COL10A1: variants seen among roughly 807,000 people sequenced by gnomAD.
The protein encoded by COL10A1 is collagen alpha-1(X) chain.
Under a neutral mutation model 18.2 loss-of-function variants are expected in COL10A1, and 10 were observed. The observed-to-expected ratio is 0.55, with a 90% CI of 0.34 to 0.93. The LOEUF (loss-of-function observed/expected upper bound fraction) is 0.93, where lower values mean the gene tolerates loss of function less well. Among genes scored for constraint, COL10A1 ranks in the 40% least tolerant of loss-of-function variants. COL10A1 has a pLI of 0.02. For missense variants in COL10A1, 897 were observed against 853.5 expected (o/e 1.05, Z -0.64); for synonymous variants, 330 against 316.6 (o/e 1.04, Z -0.45).
chr6:116,157,066 G>A (rs1330799083), intron 1 of COL10A1, among the ~76,000 whole-genome samples: 1 of 152,120 alleles, frequency 6.6e-6, no homozygotes, highest in Non-Finnish European at 1.5e-5. Context: ...AAATAGACAT[G>A]GAGGGGAGGA....
chr6:116,120,430 G>A lies in COL10A1; in HGVS notation c.1686C>T (p.Tyr562=), dbSNP rs1327200316. 6.2e-7 allele frequency: 1 copy of A among 1,614,232 alleles called. No homozygotes were observed. Among genetic ancestry groups the A allele is most frequent in the South Asian group, 1.1e-5 (1 of 91,084 alleles). Residue 562 remains tyrosine (Y), a synonymous_variant, in exon 3 of 3, where the codon TAC becomes TAT. Transcript: ENST00000651968. Reference sequence around the variant, plus strand: ...ATGGTATGGGAGTTCCTATTGCTGGGTAAGCTTTGGAGAGAATAACAGTAA... The same window carrying A: ...ATGGTATGGGAGTTCCTATTGCTGGATAAGCTTTGGAGAGAATAACAGTAA... ...SAFTVILSKA[Y]PAIGTPIPFD...
At chr6:116,193,440 C>G in the COL10A1 span, among the ~76,000 whole-genome samples, 5 of 152,186 alleles carry the variant, frequency 3.3e-5, no homozygotes, top group Non-Finnish European at 7.4e-5. Context: ...AAATCTGGAA[C>G]TTGCAACTTG....
At chr6:116,154,029 C>CTTTTTTT (rs34356532) in intron 1 of COL10A1, among the ~76,000 whole-genome samples, 1 of 122,338 alleles carries the variant, frequency 8.2e-6, no homozygotes. Context: ...GGGAAGATTT[C>CTTTTTTT]TTTTTTTTTT....
At chr6:116,196,170 C>T in the COL10A1 span, among the ~76,000 whole-genome samples, 19 of 152,042 alleles carry the variant, frequency 1.2e-4, no homozygotes, top group African/African-American at 4.3e-4. Flanking sequence ...ATTACTCCTA[C>T]TCCATAAGCA....
the COL10A1 span, among the ~76,000 whole-genome samples, chr6:116,182,361 C>T: frequency 6.6e-6 from 1 of 151,916 alleles, no homozygotes; most frequent in Non-Finnish European, 1.5e-5. Context: ...GTGTAAGTAT[C>T]TGTTTTGTAT....
intron 2 of COL10A1, among the ~76,000 whole-genome samples, chr6:116,123,174 G>T (rs1437662522): frequency 1.3e-5 from 2 of 152,178 alleles, no homozygotes; most frequent in Non-Finnish European, 2.9e-5. Context: ...GTCTTAGTCT[G>T]ATTGGAAATC....
chr6:116,136,116 G>A (rs1197360612), intron 1 of COL10A1, among the ~76,000 whole-genome samples: 1 of 151,982 alleles, frequency 6.6e-6, no homozygotes, highest in Non-Finnish European at 1.5e-5. Flanking sequence ...GCCCTTGGCA[G>A]CCACCATTCT....
chr6:116,119,289 TAAAGA>T lies in COL10A1; in HGVS notation c.*779_*783del, dbSNP rs1158425116. On this transcript the variant is annotated 3_prime_UTR_variant, in exon 3 of 3. Coordinates refer to ENST00000651968, the MANE Select transcript of COL10A1 (RefSeq NM_000493.4). The stretch of plus-strand genomic sequence containing the variant: ...TATCACATAAGATTCAATAAGGAAT[TAAAGA>T]AATCAAATTAATCACACTTGTGTTA... The T allele has an allele frequency of 1.3e-5, 2 of 152,556 alleles. No individual in the cohort carries two copies. The highest frequency in any genetic ancestry group is 2.9e-5 in the Non-Finnish European group (2 of 68,030). The allele number at this position is 152,556 out of a possible 1,614,324, so 9.5% of individuals were successfully genotyped here.
In COL10A1 at chr6:116,150,473, C is replaced by T. The variant is rs187908506; in HGVS notation, c.-16+8141G>A. On this transcript the variant is annotated intron_variant, in intron 1 of 1. Transcript: ENST00000418500. ...CTAATTTTTCTATTTTTAATAGAGA[C>T]AGGGTTTTACCATGTTGGCCAGGCT... Among the ~76,000 whole-genome samples, 31 of 152,122 alleles carry T rather than the reference C, an allele frequency of 2.0e-4. No individual in the cohort carries two copies. In the East Asian group the frequency reaches 5.0e-3, roughly 25 times the overall value.
chr6:116,134,579 T>C (rs1332569271), intron 1 of COL10A1, among the ~76,000 whole-genome samples: 1 of 152,166 alleles, frequency 6.6e-6, no homozygotes, highest in Non-Finnish European at 1.5e-5. Flanking sequence ...ATGGTTTGCC[T>C]CATGCTTGTG....
At chr6:116,155,481 A>C (rs1780164967) in intron 1 of COL10A1, among the ~76,000 whole-genome samples, 1 of 152,154 alleles carries the variant, frequency 6.6e-6, no homozygotes, top group Admixed American at 6.6e-5. Context: ...TATTTTAAGA[A>C]TATCATGTAA....
the COL10A1 span, among the ~76,000 whole-genome samples, chr6:116,188,642 T>G: frequency 6.6e-6 from 1 of 151,314 alleles, no homozygotes; most frequent in African/African-American, 2.4e-5. Flanking sequence ...ACCATAGATA[T>G]GAGGATAGCA....
chr6:116,168,934 G>A, the COL10A1 span, among the ~76,000 whole-genome samples: 10 of 152,252 alleles, frequency 6.6e-5, no homozygotes, highest in East Asian at 3.9e-4. Context: ...TATCTGGTTC[G>A]TACTTCTTTC....
upstream of COL10A1, among the ~76,000 whole-genome samples, chr6:116,129,607 GCT>G (rs1424116683): frequency 6.6e-6 from 1 of 152,100 alleles, no homozygotes; most frequent in Non-Finnish European, 1.5e-5. Context: ...CAGCATGAAC[GCT>G]CTCTCCAGAT....
upstream of COL10A1, among the ~76,000 whole-genome samples, chr6:116,163,139 A>ATAT (rs1329810394): frequency 0.011 from 1,072 of 100,228 alleles, 22 homozygotes; most frequent in East Asian, 0.088. Flanking sequence ...AAAAAAAAAA[A>ATAT]AAATATATAT....
At chr6:116,171,113 A>G in the COL10A1 span, among the ~76,000 whole-genome samples, 1 of 151,730 alleles carries the variant, frequency 6.6e-6, no homozygotes, top group African/African-American at 2.4e-5. Flanking sequence ...CCAACATAGC[A>G]CTTGATCCAT....
chr6:116,123,476 A>G (rs1009154828), intron 2 of COL10A1, among the ~76,000 whole-genome samples: 11 of 152,246 alleles, frequency 7.2e-5, no homozygotes, highest in African/African-American at 2.7e-4. Flanking sequence ...ACAAACTGAA[A>G]TCGTGATTGG....
At chr6:116,200,737 C>G in the COL10A1 span, among the ~76,000 whole-genome samples, 1 of 151,968 alleles carries the variant, frequency 6.6e-6, no homozygotes, top group Non-Finnish European at 1.5e-5. Flanking sequence ...CGTACTTCAT[C>G]TCTTCTCCCA....
intron 1 of COL10A1, among the ~76,000 whole-genome samples, chr6:116,151,562 G>T (rs1780039098): frequency 6.6e-6 from 1 of 152,178 alleles, no homozygotes; most frequent in South Asian, 2.1e-4. Context: ...ATGTATATAT[G>T]TGGCCTGTTG....
Sources: gnomAD v4.1 joint callset for allele counts (sites outside exome capture counted in the v4.1 genomes callset) on GRCh38, gnomAD v4.1.1 for gene constraint, MANE v1.5 for transcripts, NCBI Gene and HGNC (gene_info 2026-07-23, HGNC 2026-07-21) for gene names.